Variants in MAU2 observed in about 807,000 individuals in gnomAD.
MAU2 encodes the protein MAU2 chromatid cohesion factor homolog.
MAU2 carries 9 observed loss-of-function variants against 89.1 expected under a neutral mutation model. That is an observed-to-expected ratio of 0.10 (90% CI 0.06 to 0.18). MAU2 has a LOEUF of 0.18. Ranked by LOEUF, MAU2 falls within the 10% of genes least tolerant of loss-of-function variation. MAU2 has a pLI of 1.00. For synonymous variants in MAU2, 357 were observed against 343.4 expected (o/e 1.04, Z -0.44); for missense variants, 425 against 803.5 (o/e 0.53, Z 5.69).
chr19:19,337,098 A>G (rs561569511), intron 3 of MAU2, 72 bp from the exon 4 acceptor site: 2 of 1,192,930 alleles, frequency 1.7e-6, no homozygotes, highest in Non-Finnish European at 2.4e-6. Flanking sequence ...AGCTGCTGCT[A>G]AGGAATCCAG....
At chr19:19,327,233 T>C (rs1469591467) in intron 1 of MAU2, among the ~76,000 whole-genome samples, 2 of 151,474 alleles carry the variant, frequency 1.3e-5, no homozygotes, top group Non-Finnish European at 2.9e-5. Flanking sequence ...ACTATTCTCC[T>C]GCCTCAGCCT....
rs1285146701 is a variant in MAU2 at position 19,357,616 on chromosome 19, T to C, written c.*1834T>C. The C allele has an allele frequency of 1.3e-5, 2 of 152,456 alleles. No individual in the cohort carries two copies. The highest frequency in any genetic ancestry group is 2.9e-5 in the Non-Finnish European group (2 of 68,038). 9.4% of individuals were successfully genotyped at this position (152,456 alleles called of 1,614,324 possible). ...TTCTTTGCTTGTAGGGCATTTTGTA[T>C]GTAGAGCAGTTGAAAACAGAACCTC... On this transcript the variant is annotated 3_prime_UTR_variant, in exon 19 of 19. Coordinates refer to ENST00000262815, the MANE Select transcript of MAU2 (RefSeq NM_015329.4).
chr19:19,343,922 G>A lies in MAU2; in HGVS notation c.1059G>A (p.Lys353=). ...TGTGCCGCCTTGTCACGGGTCACAA[G>A]GCCACGGCGCTGCAGGAGGTAAGGC... ...IIMCRLVTGH[K]ATALQEISQV... is the part of the protein sequence containing the mutation. Residue 353 remains lysine, a synonymous_variant, in exon 10 of 19, where the codon AAG becomes AAA. Transcript: ENST00000262815. The A allele has an allele frequency of 1.9e-6, 3 of 1,612,728 alleles. No individual in the cohort carries two copies. Among genetic ancestry groups the A allele is most frequent in the Non-Finnish European group, 8.5e-7 (1 of 1,179,994 alleles).
chr19:19,321,159 G>A (rs2061450384), intron 1 of MAU2, 24 bp downstream of exon 1: 6 of 1,559,582 alleles, frequency 3.8e-6, no homozygotes, highest in Non-Finnish European at 5.2e-6. Context: ...GGGCCGCGAG[G>A]GAGGAGTCGC....
Position 19,356,165 on chromosome 19 carries a change from A to C in MAU2, c.*383A>C. The C allele has an allele frequency of 4.7e-6, 2 of 423,588 alleles. No individual in the cohort carries two copies. The highest frequency in any genetic ancestry group is 9.4e-6 in the Non-Finnish European group (2 of 212,256). The allele number at this position is 423,588 out of a possible 1,614,324, so 26.2% of individuals were successfully genotyped here. On this transcript the variant is annotated 3_prime_UTR_variant, in exon 19 of 19. Coordinates refer to ENST00000262815, the MANE Select transcript of MAU2 (RefSeq NM_015329.4). ...CCAGGGGCACCACGCCTGACTCTCC[A>C]TCACCCAGGCCTTGATGCCGAGCGG...
intron 16 of MAU2, chr19:19,353,148 G>A (rs2061758752): frequency 6.6e-6 from 1 of 152,246 alleles, no homozygotes; most frequent in South Asian, 2.1e-4. Context: ...GAGCCTGTTA[G>A]GCTAGAGTGT....
At chr19:19,351,428 G>T (rs1313090307) in intron 16 of MAU2, among the ~76,000 whole-genome samples, 2 of 151,934 alleles carry the variant, frequency 1.3e-5, no homozygotes, top group Non-Finnish European at 2.9e-5. Flanking sequence ...CCAACACTTT[G>T]GGAGGCAGAG....
At chr19:19,335,646 C>A in intron 1 of MAU2, 72 bp from the exon 2 acceptor site, 10 of 1,510,404 alleles carry the variant, frequency 6.6e-6, no homozygotes, top group Non-Finnish European at 9.2e-6. Flanking sequence ...CCTGTGGAAG[C>A]CCCAGAGCGA....
intron 5 of MAU2, among the ~76,000 whole-genome samples, chr19:19,340,471 C>G (rs891636383): frequency 2.6e-5 from 4 of 151,202 alleles, no homozygotes; most frequent in Admixed American, 1.3e-4. Context: ...AATTCTGTCT[C>G]TACTAAAAAT....
At position 19,320,888 on chromosome 19, in the gene MAU2, A is replaced by C; in HGVS notation, c.29A>C (p.Gln10Pro). The change falls in exon 1 of 19, where the codon CAG becomes CCG. Residue 10 changes from glutamine to proline, a missense_variant. Physicochemically the swap from Gln to Pro is moderately conservative, Grantham distance 76. Transcript: ENST00000262815. Reference protein sequence around the residue: MAAQAAAAAQAAAAQAAQAE... With the variant: MAAQAAAAAPAAAAQAAQAE... ...GCGGCTCAGGCGGCGGCAGCGGCCC[A>C]GGCGGCGGCGGCCCAGGCTGCGCAG... 3 of 1,485,066 alleles carry C rather than the reference A, an allele frequency of 2.0e-6. No individual in the cohort carries two copies. Among genetic ancestry groups the C allele is most frequent in the Non-Finnish European group, 2.7e-6 (3 of 1,101,152 alleles). 92.0% of individuals were successfully genotyped at this position (1,485,066 alleles called of 1,614,324 possible).
At chr19:19,344,810 G>A (rs968584180) in intron 10 of MAU2, 39 bp from the exon 11 acceptor site, 1 of 1,563,638 alleles carries the variant, frequency 6.4e-7, no homozygotes, top group South Asian at 1.1e-5. Flanking sequence ...CAGGTCCCAG[G>A]TTGCAGTCCT....
intron 5 of MAU2, among the ~76,000 whole-genome samples, chr19:19,340,489 A>G (rs1651532329): frequency 6.6e-6 from 1 of 150,922 alleles, no homozygotes; most frequent in South Asian, 2.1e-4. Context: ...AATACAAAAA[A>G]TTAGCCGGGC....
chr19:19,333,645 C>T (rs934485564), intron 1 of MAU2, among the ~76,000 whole-genome samples: 5 of 152,212 alleles, frequency 3.3e-5, no homozygotes, highest in Admixed American at 6.5e-5. Flanking sequence ...CAGACATGCA[C>T]GTGTGGGCTG....
intron 16 of MAU2, among the ~76,000 whole-genome samples, chr19:19,350,530 G>C (rs552182450): frequency 2.0e-5 from 3 of 151,938 alleles, no homozygotes; most frequent in Non-Finnish European, 4.4e-5. Flanking sequence ...CTTGAACCCA[G>C]GAGGCAGAGA....
Position 19,347,345 on chromosome 19 carries a change from A to C in MAU2, c.1287A>C (p.Glu429Asp). 1 of 1,613,596 alleles carries C rather than the reference A, an allele frequency of 6.2e-7. No individual in the cohort carries two copies. Among genetic ancestry groups the C allele is most frequent in the Non-Finnish European group, 8.5e-7 (1 of 1,179,690 alleles). The change falls in exon 13 of 19, where the codon GAA becomes GAC. Residue 429 changes from glutamate to aspartate, a missense_variant. Physicochemically the swap from Glu to Asp is conservative, Grantham distance 45. Transcript: ENST00000262815. ...VTNLASVYIR[E>D]GNRHQEVLYS... ...ACCTGGCGAGTGTGTATATACGGGA[A>C]GGAAATAGACACCAAGAGGTAGTAG...
chr19:19,327,217 G>A (rs547333435), intron 1 of MAU2, among the ~76,000 whole-genome samples: 1 of 151,504 alleles, frequency 6.6e-6, no homozygotes, highest in Non-Finnish European at 1.5e-5. Context: ...TGCCTCTCAG[G>A]TTCAGACTAT....
At chr19:19,329,302 A>G (rs906241537) in intron 1 of MAU2, among the ~76,000 whole-genome samples, 24 of 151,814 alleles carry the variant, frequency 1.6e-4, no homozygotes, top group African/African-American at 5.6e-4. Flanking sequence ...TTTTGTTTCT[A>G]TTTCCTTCCC....
intron 13 of MAU2, chr19:19,348,377 A>G (rs1460446198): frequency 9.9e-6 from 2 of 202,326 alleles, no homozygotes; most frequent in Admixed American, 1.1e-4. Flanking sequence ...GGAAAAAGAA[A>G]GCCCAGCCCC....
chr19:19,346,143 G>A (rs1011985871), intron 12 of MAU2, among the ~76,000 whole-genome samples: 6 of 152,082 alleles, frequency 3.9e-5, no homozygotes, highest in Non-Finnish European at 7.4e-5. Flanking sequence ...TGCCACCCCC[G>A]CCACTGGCCT....
Sources: allele counts gnomAD v4.1 joint callset (sites outside exome capture counted in the v4.1 genomes callset), GRCh38; gene constraint gnomAD v4.1.1; transcripts MANE v1.5; gene names NCBI Gene and HGNC (gene_info 2026-07-23, HGNC 2026-07-21).